The following TRIM45 variants were observed in gnomAD, a reference collection of about 807,000 sequenced individuals.
TRIM45 encodes tripartite motif containing 45.
A neutral mutation model predicts 46.7 loss-of-function variants in TRIM45; 45 were observed. The observed-to-expected ratio is 0.96, with a 90% CI of 0.76 to 1.24. The LOEUF (loss-of-function observed/expected upper bound fraction) is 1.24. Among genes scored for constraint, TRIM45 ranks in the 50% most tolerant of loss-of-function variants. TRIM45 has a pLI of 0.00. For synonymous variants in TRIM45, 259 were observed against 285.8 expected (o/e 0.91, Z 0.94); for missense variants, 680 against 728.4 (o/e 0.93, Z 0.77).
rs753648574 is a variant in TRIM45, at chr1:117,118,314, C to T, written c.942G>A (p.Lys314=). 6 of 1,614,078 alleles carry T rather than the reference C, an allele frequency of 3.7e-6. No homozygotes were observed. Among genetic ancestry groups the T allele is most frequent in the Non-Finnish European group, 5.1e-6 (6 of 1,180,052 alleles). Residue 314 remains lysine, a synonymous_variant, in exon 2 of 6, where the codon AAG becomes AAA. Coordinates refer to ENST00000256649, the MANE Select transcript of TRIM45 (RefSeq NM_025188.4). This position sits in a 1 kb window ranked among gnomAD's most constrained non-coding sequence, Gnocchi z 5.7. ...AQKENSLQLQ[K]AQLEQLLADM... Reference sequence around the variant, plus strand: ...CTGCCAGTAACTGTTCCAGCTGGGCCTTCTGCAGCTGCAGGGAATTTTCCT... The same window carrying T: ...CTGCCAGTAACTGTTCCAGCTGGGCTTTCTGCAGCTGCAGGGAATTTTCCT...
chr1:117,112,274 C>T lies in TRIM45; in HGVS notation c.*31G>A. On this transcript the variant is annotated 3_prime_UTR_variant, in exon 6 of 6. Transcript: ENST00000256649. ...CTCTGGAAATCTCAAGTGGTGCTGC[C>T]TGCAGCTTTAAAAGGCTGAGCACAA... The T allele has an allele frequency of 6.6e-7, 1 of 1,518,382 alleles. No individual in the cohort carries two copies. The highest frequency in any genetic ancestry group is 8.8e-7 in the Non-Finnish European group (1 of 1,130,616). 94.1% of individuals were successfully genotyped at this position (1,518,382 alleles called of 1,614,324 possible).
chr1:117,112,317 A>G lies in TRIM45; in HGVS notation c.1731T>C (p.Thr577=), dbSNP rs772421414. The G allele has an allele frequency of 3.7e-5, 59 of 1,601,168 alleles. No homozygotes were observed. Among genetic ancestry groups the G allele is most frequent in the Non-Finnish European group, 4.9e-5 (57 of 1,174,120 alleles). ...GAGCACAAACCCATCAGAGAGCCAC[A>G]GTCCTAAGTAGACTCCTCGGTGCGC... ...GQSAPRSLLR[T]VAL The change falls in exon 6 of 6, where the codon ACT becomes ACC. Residue 577 remains threonine (T), a synonymous_variant. Transcript: ENST00000256649.
Position 117,121,478 on chromosome 1 carries a change from C to T in TRIM45, c.-277G>A, listed in dbSNP as rs1650631186. ...CCGCAAGTCCTCCCCGGATGCGCTT[C>T]CAGGTCTAGCTCTCCAGCTAGTCCT... On this transcript the variant is annotated 5_prime_UTR_variant, in exon 1 of 6. Transcript: ENST00000256649. This position sits in a 1 kb window ranked among gnomAD's most constrained non-coding sequence, Gnocchi z 4.2. 1.3e-5 allele frequency: 7 copies of T among 519,566 alleles called. No individual in the cohort carries two copies. In the East Asian group the frequency reaches 1.9e-4, roughly 14 times the overall value. The allele number at this position is 519,566 out of a possible 1,614,324, so 32.2% of individuals were successfully genotyped here.
At chr1:117,120,650 T>C in intron 1 of TRIM45, 64 bp downstream of exon 1, 1 of 1,523,006 alleles carries the variant, frequency 6.6e-7, no homozygotes. Flanking sequence ...CACCGAGGGA[T>C]TTGTCTTGAC....
chr1:117,114,521 G>A (rs900782934), intron 4 of TRIM45, among the ~76,000 whole-genome samples: 2 of 152,304 alleles, frequency 1.3e-5, no homozygotes, highest in Admixed American at 6.5e-5. Flanking sequence ...CATTGTTTGC[G>A]AAAACGCAAA....
Position 117,115,768 on chromosome 1 carries a change from T to TA in TRIM45, c.1353-80dup. The TA allele has an allele frequency of 1.1e-6, 1 of 907,990 alleles. No individual in the cohort carries two copies. The highest frequency in any genetic ancestry group is 1.8e-6 in the Non-Finnish European group (1 of 549,368). 56.2% of individuals were successfully genotyped at this position (907,990 alleles called of 1,614,324 possible). On this transcript the variant is annotated intron_variant, in intron 3 of 5. Transcript: ENST00000256649. The surrounding 1 kb of genome is among the most constrained non-coding windows in gnomAD (Gnocchi z 4.2). ...TGCTACTATTTCAGAATGTAAACTC[T>TA]ACACCATCCCATTCAGTATTAATGT...
Position 117,118,460 on chromosome 1 carries a change from G to A in TRIM45, c.796C>T (p.Leu266Phe). Residue 266 changes from leucine to phenylalanine, a missense_variant, in exon 2 of 6, where the codon CTC becomes TTC. By Grantham distance (22) the Leu-to-Phe change is conservative. This residue lies in a region of TRIM45 where 349 missense variants were observed against 343.6 expected (regional missense o/e 1.02). Transcript: ENST00000256649. This position sits in a 1 kb window ranked among gnomAD's most constrained non-coding sequence, Gnocchi z 5.7. ...LAQIHIINSA[L>F]QKRVEAVAAD... ...GCCACTGCCTCCACTCGCTTCTGGA[G>A]GGCACTGTTTATTATGTGGATCTGA... 6.2e-7 allele frequency: 1 copy of A among 1,614,094 alleles called. No individual in the cohort carries two copies. Among genetic ancestry groups the A allele is most frequent in the Non-Finnish European group, 8.5e-7 (1 of 1,180,028 alleles).
rs1650237067 is a variant in TRIM45 at position 117,112,147 on chromosome 1, A to G, written c.*158T>C. On this transcript the variant is annotated 3_prime_UTR_variant, in exon 6 of 6. Coordinates refer to ENST00000256649, the MANE Select transcript of TRIM45 (RefSeq NM_025188.4). ...TTGTGCTCAACCATCCACAAGTACA[A>G]TCAGTGAATAACTAACAAAAGAGCA... 1.4e-5 allele frequency: 10 copies of G among 738,970 alleles called. No homozygotes were observed. Among genetic ancestry groups the G allele is most frequent in the African/African-American group, 1.9e-5 (1 of 52,066 alleles). The allele number at this position is 738,970 out of a possible 1,614,324, so 45.8% of individuals were successfully genotyped here.
In TRIM45 at chr1:117,115,302, T is replaced by A. The variant is rs1650357574; in HGVS notation, c.1467+273A>T. Among the ~76,000 whole-genome samples, 1 of 152,172 alleles carries A rather than the reference T, an allele frequency of 6.6e-6. No homozygotes were observed. Among genetic ancestry groups the A allele is most frequent in the Non-Finnish European group, 1.5e-5 (1 of 68,018 alleles). ...GATCACCCCCTGTGATCAAGACATC[T>A]TCTCCATATTAAGAATCCTAAGAAA... On this transcript the variant is annotated intron_variant, in intron 4 of 5. Coordinates refer to ENST00000256649, the MANE Select transcript of TRIM45 (RefSeq NM_025188.4). The surrounding 1 kb of genome is among the most constrained non-coding windows in gnomAD (Gnocchi z 4.2).
Position 117,116,687 on chromosome 1 carries a change from G to T in TRIM45, c.1281C>A (p.Ala427=), listed in dbSNP as rs150218139. Reference sequence around the variant, plus strand: ...CTCCCCTGCCCATGATTTCTCCTGCGGCATCCTTACAAAGCAGGGTGAAAG... The same window carrying T: ...CTCCCCTGCCCATGATTTCTCCTGCTGCATCCTTACAAAGCAGGGTGAAAG... ...TASFTLLCKD[A]AGEIMGRGGD... is the part of the protein sequence containing the mutation. Residue 427 remains alanine, a synonymous_variant, in exon 3 of 6, where the codon GCC becomes GCA. Coordinates refer to ENST00000256649, the MANE Select transcript of TRIM45 (RefSeq NM_025188.4). The surrounding 1 kb of genome is among the most constrained non-coding windows in gnomAD (Gnocchi z 4.6). The T allele has an allele frequency of 6.2e-7, 1 of 1,613,998 alleles. No homozygotes were observed. The highest frequency in any genetic ancestry group is 8.5e-7 in the Non-Finnish European group (1 of 1,180,006).
chr1:117,121,516 G>C lies in TRIM45; in HGVS notation c.-315C>G, dbSNP rs1650632730. The stretch of plus-strand genomic sequence containing the variant: ...TCCAGCTAGTCCTGCTGCCAACAAA[G>C]TCACCCCTGCACCTCTCGCTCCCTC... On this transcript the variant is annotated 5_prime_UTR_variant, in exon 1 of 6. Transcript: ENST00000256649. This position sits in a 1 kb window ranked among gnomAD's most constrained non-coding sequence, Gnocchi z 4.2. 2 of 522,048 alleles carry C rather than the reference G, an allele frequency of 3.8e-6. No homozygotes were observed. The highest frequency in any genetic ancestry group is 2.8e-5 in the South Asian group (1 of 36,304). The allele number at this position is 522,048 out of a possible 1,614,324, so 32.3% of individuals were successfully genotyped here. A position where few individuals can be genotyped will look rare whatever the true frequency, so the allele number is the denominator to read the frequency against.
chr1:117,121,900 C>A, upstream of TRIM45: 2 of 711,106 alleles, frequency 2.8e-6, no homozygotes, highest in South Asian at 3.0e-5. This position sits in a 1 kb window ranked among gnomAD's most constrained non-coding sequence, Gnocchi z 4.2. Context: ...CTTCGCCAGT[C>A]CACTCACGCG....
upstream of TRIM45, chr1:117,121,858 T>G (rs1382732914): frequency 7.0e-6 from 5 of 714,698 alleles, no homozygotes; most frequent in East Asian, 8.1e-5. This position sits in a 1 kb window ranked among gnomAD's most constrained non-coding sequence, Gnocchi z 4.2. Context: ...GTGACGCCAC[T>G]AAGCATCCAA....
chr1:117,123,378 C>G (rs1200274398), upstream of TRIM45, among the ~76,000 whole-genome samples: 1 of 152,184 alleles, frequency 6.6e-6, no homozygotes, highest in Non-Finnish European at 1.5e-5. Context: ...ATCTCTTGTT[C>G]ATACTGTATC....
chr1:117,118,506 C>T lies in TRIM45; in HGVS notation c.750G>A (p.Glu250=). The T allele has an allele frequency of 6.2e-7, 1 of 1,614,212 alleles. No homozygotes were observed. Among genetic ancestry groups the T allele is most frequent in the Non-Finnish European group, 8.5e-7 (1 of 1,180,044 alleles). Residue 250 remains glutamate, a synonymous_variant, in exon 2 of 6, where the codon GAG becomes GAA. Transcript: ENST00000256649. This position sits in a 1 kb window ranked among gnomAD's most constrained non-coding sequence, Gnocchi z 5.7. ...ELLKGTQPHV[E]ALEEALAQIH... ...TCTGAGCCAGGGCTTCCTCCAGGGC[C>T]TCCACGTGGGGCTGAGTACCTTTGA...
chr1:117,118,773 G>T lies in TRIM45; in HGVS notation c.489-6C>A. ...AAGTCGTTTTCTTCTGCCGCCTAGG[G>T]GCAAACAGAATCAGTAACAGGAAAT... is the stretch of plus-strand genomic sequence containing the variant. On this transcript the variant is annotated splice_region_variant and splice_polypyrimidine_tract_variant and intron_variant, in intron 1 of 5. Coordinates refer to ENST00000256649, the MANE Select transcript of TRIM45 (RefSeq NM_025188.4). This position sits in a 1 kb window ranked among gnomAD's most constrained non-coding sequence, Gnocchi z 5.7. The T allele has an allele frequency of 6.2e-7, 1 of 1,607,748 alleles. No individual in the cohort carries two copies. Among genetic ancestry groups the T allele is most frequent in the Non-Finnish European group, 8.5e-7 (1 of 1,176,342 alleles).
chr1:117,113,219 G>T lies in TRIM45; in HGVS notation c.1594+140C>A, dbSNP rs1650284310. On this transcript the variant is annotated intron_variant, in intron 5 of 5. Coordinates refer to ENST00000256649, the MANE Select transcript of TRIM45 (RefSeq NM_025188.4). The surrounding 1 kb of genome is among the most constrained non-coding windows in gnomAD (Gnocchi z 4.0). Reference sequence around the variant, plus strand: ...CTTTAAGTGACACTTTTAGAACAGTGGTGTCTCTACAATCACAGACTGTGC... The same window carrying T: ...CTTTAAGTGACACTTTTAGAACAGTTGTGTCTCTACAATCACAGACTGTGC... The T allele has an allele frequency of 8.4e-7, 1 of 1,187,918 alleles. No individual in the cohort carries two copies. The highest frequency in any genetic ancestry group is 1.2e-6 in the Non-Finnish European group (1 of 845,170). 73.6% of individuals were successfully genotyped at this position (1,187,918 alleles called of 1,614,324 possible).
At position 117,120,897 on chromosome 1, in the gene TRIM45, T is replaced by G. The variant is rs1650595156; in HGVS notation, c.305A>C (p.Asp102Ala). ...ILCPVCDAQV[D>A]LPMGGVKALT... ...AGCCTTCACTCCACCCATGGGCAGG[T>G]CCACCTGAGCATCACATACAGGACA... Residue 102 changes from aspartate to alanine, a missense_variant, in exon 1 of 6, where the codon GAC becomes GCC. Coordinates refer to ENST00000256649, the MANE Select transcript of TRIM45 (RefSeq NM_025188.4). 6.2e-7 allele frequency: 1 copy of G among 1,614,168 alleles called. No homozygotes were observed. The highest frequency in any genetic ancestry group is 8.5e-7 in the Non-Finnish European group (1 of 1,180,020).
At chr1:117,112,483 A>G (rs1393440010) in intron 5 of TRIM45, 30 bp from the exon 6 acceptor site, 1 of 1,586,124 alleles carries the variant, frequency 6.3e-7, no homozygotes, top group Non-Finnish European at 8.6e-7. Flanking sequence ...AAGGACAAAA[A>G]TCAACCATTA....
Sources: allele counts gnomAD v4.1 joint callset (sites outside exome capture counted in the v4.1 genomes callset), GRCh38; gene constraint gnomAD v4.1.1; regional missense constraint gnomAD v4.1.1; non-coding constraint Gnocchi (gnomAD v3.1); transcripts MANE v1.5; gene names NCBI Gene and HGNC (gene_info 2026-07-23, HGNC 2026-07-21).